CEBPZ: variants seen among roughly 807,000 people sequenced by gnomAD.
CEBPZ encodes CCAAT enhancer binding protein zeta.
In CEBPZ, 78 loss-of-function variants were observed where a neutral mutation model predicts 104.5. The observed-to-expected ratio is 0.75, with a 90% confidence interval of 0.62 to 0.90. CEBPZ has a LOEUF of 0.90. Ranked by LOEUF, CEBPZ falls within the 40% of genes least tolerant of loss-of-function variation. The pLI is 0.00. For missense variants in CEBPZ, 1,439 were observed against 1,233.5 expected, an observed-to-expected ratio of 1.17 and a Z score of -2.50; for synonymous variants, 470 against 427.0, an observed-to-expected ratio of 1.10 and a Z score of -1.24.
chr2:37,212,073 G>A (rs879745181), intron 11 of CEBPZ, 34 bp from the exon 12 acceptor site: 3 of 1,538,160 alleles, frequency 2.0e-6, no homozygotes, highest in South Asian at 1.3e-5. Context: ...TACAAGAGGA[G>A]GCAGTATTTT....
chr2:37,231,323 A>C (rs528778069), intron 1 of CEBPZ, 89 bp downstream of exon 1: 1 of 1,572,884 alleles, frequency 6.4e-7, no homozygotes, highest in Non-Finnish European at 8.7e-7. Context: ...CCCGCGCTCT[A>C]CGCAGCGCGG....
chr2:37,231,521 C>T lies in CEBPZ; in HGVS notation c.47G>A (p.Trp16Ter). 2 of 1,614,248 alleles carry T rather than the reference C, an allele frequency of 1.2e-6. No homozygotes were observed. Among genetic ancestry groups the T allele is most frequent in the Non-Finnish European group, 8.5e-7 (1 of 1,180,046 alleles). Residue 16 changes from tryptophan to a stop codon, truncating the protein, a stop_gained, in exon 1 of 16, where the codon TGG becomes TAG. Coordinates refer to ENST00000234170, the MANE Select transcript of CEBPZ (RefSeq NM_005760.3). LOFTEE classifies it high-confidence loss of function. ...ATCTTCTACTGCCTCCTCGGGGCGC[C>T]AAGGCCGCTTGGCATGGAACTCCAA... The part of the protein sequence containing the change: ...EPLEFHAKRP[W>*]RPEEAVEDPD...
At chr2:37,213,843 A>G in intron 10 of CEBPZ, 21 bp downstream of exon 10, 1 of 1,514,582 alleles carries the variant, frequency 6.6e-7, no homozygotes, top group Non-Finnish European at 9.1e-7. Flanking sequence ...TATTTTACAA[A>G]GAGTCAACAA....
At position 37,227,859 on chromosome 2, in the gene CEBPZ, A is replaced by G. The variant is rs753435276; in HGVS notation, c.1334T>C (p.Leu445Ser). 6.2e-7 allele frequency: 1 copy of G among 1,614,154 alleles called. No individual in the cohort carries two copies. The highest frequency in any genetic ancestry group is 2.2e-5 in the East Asian group (1 of 44,886). The change falls in exon 2 of 16, where the codon TTA (leucine) becomes TCA (serine). Residue 445 changes from leucine to serine, a missense_variant. By Grantham distance (145) the Leu-to-Ser change is moderately radical. Transcript: ENST00000234170. ...SKAQYYAICF[L>S]NQMALSHEES... is the part of the protein sequence containing the mutation. ...TTCATGGGACAGAGCCATTTGATTT[A>G]AAAAGCAAATTGCATAATATTGAGC...
At chr2:37,224,862 A>G (rs1664846501) in intron 2 of CEBPZ, among the ~76,000 whole-genome samples, 1 of 152,250 alleles carries the variant, frequency 6.6e-6, no homozygotes, top group Non-Finnish European at 1.5e-5. Flanking sequence ...TCCATCTGTG[A>G]GCGCTTTTGG....
chr2:37,209,325 C>G lies in CEBPZ; in HGVS notation c.2884+1674G>C, dbSNP rs1677643670. 5 of 152,238 alleles carry G rather than the reference C, an allele frequency of 3.3e-5. No homozygotes were observed. In the South Asian group the frequency reaches 1.0e-3, roughly 32 times the overall value. 9.4% of individuals were successfully genotyped at this position (152,238 alleles called of 1,614,324 possible). A position where few individuals can be genotyped will look rare whatever the true frequency, so the allele number is the denominator to read the frequency against. On this transcript the variant is annotated intron_variant, in intron 13 of 15. Transcript: ENST00000234170. The stretch of plus-strand genomic sequence containing the variant: ...AATTCATATGGAACAAAATAAGAGC[C>G]TGCATAGCCAAGCAAGACTAAACAA...
Position 37,228,677 on chromosome 2 carries a change from T to C in CEBPZ, c.516A>G (p.Arg172=). ...CTCCAGGCCTAAGTAACAAAGTCTG[T>C]CTCTCAAAAAATTCAAAGATGTTCT... ...DKQNIFEFFE[R]QTLLLRPGGK... is the part of the protein sequence containing the mutation. The change falls in exon 2 of 16, where the codon AGA becomes AGG. Residue 172 remains arginine, a synonymous_variant. Transcript: ENST00000234170. 1.2e-6 allele frequency: 2 copies of C among 1,614,186 alleles called. No homozygotes were observed. Among genetic ancestry groups the C allele is most frequent in the East Asian group, 2.2e-5 (1 of 44,890 alleles).
rs551165233 is a variant in CEBPZ at position 37,218,904 on chromosome 2, T to C, written c.2154+1481A>G. Among the ~76,000 whole-genome samples the C allele has an allele frequency of 9.2e-5, 14 of 152,286 alleles. No homozygotes were observed. The East Asian group carries it at 1.3e-3, about 15-fold the overall frequency. On this transcript the variant is annotated intron_variant, in intron 5 of 15. Coordinates refer to ENST00000234170, the MANE Select transcript of CEBPZ (RefSeq NM_005760.3). The stretch of plus-strand genomic sequence containing the variant: ...AATTTGTAACATTGTGCATTGGTCA[T>C]TGGAAAAATACCATATGCAGTCCTT...
At chr2:37,203,806 G>A (rs997519678) in intron 13 of CEBPZ, 14 of 152,130 alleles carry the variant, frequency 9.2e-5, no homozygotes, top group African/African-American at 3.1e-4. Flanking sequence ...TATGACATGT[G>A]GTTTCCTATA....
At chr2:37,203,042 A>G (rs550439229) in intron 13 of CEBPZ, 34 bp from the exon 14 acceptor site, 52 of 1,363,798 alleles carry the variant, frequency 3.8e-5, no homozygotes, top group Admixed American at 9.8e-5. Context: ...TTATTCAATT[A>G]TAAATCTAAT....
rs779631728 is a variant in CEBPZ, at chr2:37,223,356, CAT to C, written c.1693_1694del (p.Met565ValfsTer3). 1.2e-6 allele frequency: 2 copies of C among 1,614,148 alleles called. No individual in the cohort carries two copies. Among genetic ancestry groups the C allele is most frequent in the South Asian group, 2.2e-5 (2 of 91,080 alleles). On this transcript the variant is annotated frameshift_variant, in exon 3 of 16. Coordinates refer to ENST00000234170, the MANE Select transcript of CEBPZ (RefSeq NM_005760.3). LOFTEE classifies it high-confidence loss of function. Reference sequence around the variant, plus strand: ...GAGATTTGTAGACAAGGTTAAGAAACATAGCTTGCTTGGAACACGTCATCAAC... The same window carrying C: ...GAGATTTGTAGACAAGGTTAAGAAACAGCTTGCTTGGAACACGTCATCAAC... The part of the protein sequence containing the change: ...PGLMTCSKQA[M>X]FLNLVYKSLK...
intron 1 of CEBPZ, 137 bp from the exon 2 acceptor site, chr2:37,229,173 T>A: frequency 1.4e-6 from 1 of 727,838 alleles, no homozygotes; most frequent in Non-Finnish European, 2.0e-6. Flanking sequence ...AAACTCAGGG[T>A]CCACAAAGGA....
At position 37,222,393 on chromosome 2, in the gene CEBPZ, A is replaced by G. The variant is rs148215247; in HGVS notation, c.2052T>C (p.Phe684=). The change falls in exon 4 of 16, where the codon TTT becomes TTC. Residue 684 remains phenylalanine (F), a synonymous_variant. Transcript: ENST00000234170. ...KKPEVASWVH[F]DNLKGGKQLN... Reference sequence around the variant, plus strand: ...AAAAAAACTCACCTTTCAAATTATCAAAGTGCACCCAGGAAGCAACCTCTG... The same window carrying G: ...AAAAAAACTCACCTTTCAAATTATCGAAGTGCACCCAGGAAGCAACCTCTG... The G allele has an allele frequency of 1.5e-5, 24 of 1,582,570 alleles. No homozygotes were observed. The highest frequency in any genetic ancestry group is 2.0e-5 in the Non-Finnish European group (23 of 1,170,904).
chr2:37,231,471 T>G lies in CEBPZ; in HGVS notation c.97A>C (p.Thr33Pro). The change falls in exon 1 of 16, where the codon ACT becomes CCT. Residue 33 changes from threonine to proline, a missense_variant. Physicochemically the swap from Thr to Pro is conservative, Grantham distance 38. Transcript: ENST00000234170. ...EDPDEEDEDN[T>P]SEAENGFSLE... The stretch of plus-strand genomic sequence containing the variant: ...GAGAACCCATTCTCGGCTTCACTAG[T>G]ATTATCCTCATCCTCCTCGTCCGGA... The G allele has an allele frequency of 6.2e-7, 1 of 1,614,164 alleles. No individual in the cohort carries two copies. Among genetic ancestry groups the G allele is most frequent in the Non-Finnish European group, 8.5e-7 (1 of 1,179,988 alleles).
intron 1 of CEBPZ, among the ~76,000 whole-genome samples, chr2:37,231,014 G>A (rs1665065793): frequency 6.6e-6 from 1 of 152,054 alleles, no homozygotes; most frequent in Non-Finnish European, 1.5e-5. Flanking sequence ...CAAAAAAGAG[G>A]GCTTCTGGGG....
Position 37,231,590 on chromosome 2 carries a change from G to T in CEBPZ, c.-23C>A. 1 of 1,614,244 alleles carries T rather than the reference G, an allele frequency of 6.2e-7. No homozygotes were observed. The highest frequency in any genetic ancestry group is 8.5e-7 in the Non-Finnish European group (1 of 1,180,042). On this transcript the variant is annotated 5_prime_UTR_variant, in exon 1 of 16. Coordinates refer to ENST00000234170, the MANE Select transcript of CEBPZ (RefSeq NM_005760.3). The stretch of plus-strand genomic sequence containing the variant: ...CATGGCGGGCAAAGCATACGCGCGT[G>T]AAACTCAGCCTATTTCCGCTCTGCC...
chr2:37,223,304 C>A lies in CEBPZ; in HGVS notation c.1747G>T (p.Val583Leu). The A allele has an allele frequency of 6.2e-7, 1 of 1,614,128 alleles. No homozygotes were observed. Among genetic ancestry groups the A allele is most frequent in the South Asian group, 1.1e-5 (1 of 91,084 alleles). ...AGTAACCTCTTCACAAAAGCCTTCA[C>A]CCGGCGCAACACAATGTCAGCTTTC... ...SLKADIVLRR[V>L]KAFVKRLLQV... The change falls in exon 3 of 16, where the codon GTG (valine) becomes TTG (leucine). Residue 583 changes from valine to leucine, a missense_variant. By Grantham distance (32) the Val-to-Leu change is conservative. Coordinates refer to ENST00000234170, the MANE Select transcript of CEBPZ (RefSeq NM_005760.3).
chr2:37,219,908 C>T (rs1664726532), intron 5 of CEBPZ, among the ~76,000 whole-genome samples: 2 of 152,144 alleles, frequency 1.3e-5, no homozygotes, highest in Admixed American at 6.5e-5. Context: ...AGATTTTCTA[C>T]AAAATGAACA....
In CEBPZ at chr2:37,201,749, A is replaced by T. The variant is rs1187633642; in HGVS notation, c.*15T>A. On this transcript the variant is annotated 3_prime_UTR_variant, in exon 16 of 16. Transcript: ENST00000234170. ...GATGTAAGTAGAATTTTAATCTATA[A>T]TTTACATTAATAACTCATTTCCTTT... is the stretch of plus-strand genomic sequence containing the variant. 8 of 1,306,286 alleles carry T rather than the reference A, an allele frequency of 6.1e-6. No homozygotes were observed. The South Asian group carries it at 9.8e-5, about 16-fold the overall frequency. 80.9% of individuals were successfully genotyped at this position (1,306,286 alleles called of 1,614,324 possible).
Sources: gnomAD v4.1 joint callset for allele counts (sites outside exome capture counted in the v4.1 genomes callset) on GRCh38, gnomAD v4.1.1 for gene constraint, MANE v1.5 for transcripts, NCBI Gene and HGNC (gene_info 2026-07-23, HGNC 2026-07-21) for gene names.